CCDC146: variants seen among roughly 807,000 people sequenced by gnomAD.
The protein encoded by CCDC146 is coiled-coil domain containing 146.
Under a neutral mutation model 119.3 loss-of-function variants are expected in CCDC146, and 92 were observed. The ratio of observed to expected loss-of-function variants is 0.77; its 90% CI spans 0.65 to 0.92. The LOEUF is 0.92. Among genes scored for constraint, CCDC146 ranks in the 40% least tolerant of loss-of-function variants. The probability of loss-of-function intolerance (pLI) is 0.00; values close to 1 mark genes in which losing one functional copy is unlikely to be tolerated. For synonymous variants in CCDC146, 372 were observed against 371.8 expected, an observed-to-expected ratio of 1.00 and a Z score of -0.01; for missense variants, 1,000 against 1,103.0, an observed-to-expected ratio of 0.91 and a Z score of 1.32.
intron 2 of CCDC146, among the ~76,000 whole-genome samples, chr7:77,232,855 G>T (rs1286324207): frequency 3.3e-5 from 5 of 152,142 alleles, no homozygotes; most frequent in African/African-American, 1.2e-4. Flanking sequence ...GGAAAGTGGG[G>T]GACATGGGCA....
At chr7:77,246,058 A>C (rs35822411) in intron 4 of CCDC146, among the ~76,000 whole-genome samples, 16,170 of 150,532 alleles carry the variant, frequency 0.11, 1,125 homozygotes, top group Non-Finnish European at 0.16. Context: ...GCCCCCACCC[A>C]AAGTGACATT....
At chr7:77,248,927 T>C (rs1793005631) in intron 4 of CCDC146, among the ~76,000 whole-genome samples, 1 of 152,250 alleles carries the variant, frequency 6.6e-6, no homozygotes, top group Admixed American at 6.5e-5. Flanking sequence ...TGTTTTTATT[T>C]CTTTTGTTTG....
intron 2 of CCDC146, among the ~76,000 whole-genome samples, chr7:77,182,823 A>C (rs759770635): frequency 2.4e-4 from 37 of 152,034 alleles, no homozygotes; most frequent in Non-Finnish European, 4.6e-4. Flanking sequence ...TGTGGTGGAT[A>C]TAGAGATGAG....
At chr7:77,206,047 G>A (rs150174273) in intron 2 of CCDC146, among the ~76,000 whole-genome samples, 133 of 152,222 alleles carry the variant, frequency 8.7e-4, no homozygotes, top group Non-Finnish European at 1.6e-3. Flanking sequence ...TATGTATTTG[G>A]CAAATCAACA....
At chr7:77,185,789 T>C (rs1791658531) in intron 2 of CCDC146, among the ~76,000 whole-genome samples, 2 of 152,204 alleles carry the variant, frequency 1.3e-5, no homozygotes, top group Admixed American at 1.3e-4. Context: ...CAGAGATATG[T>C]AACCTTTCAG....
chr7:77,292,062 G>A (rs1439872806), intron 17 of CCDC146, among the ~76,000 whole-genome samples: 1 of 152,102 alleles, frequency 6.6e-6, no homozygotes, highest in African/African-American at 2.4e-5. Flanking sequence ...TTGGGAGGCC[G>A]AGGCAGGAAG....
intron 1 of CCDC146, among the ~76,000 whole-genome samples, chr7:77,130,738 A>G (rs1790772050): frequency 1.3e-5 from 2 of 148,610 alleles, no homozygotes; most frequent in African/African-American, 5.0e-5. Flanking sequence ...AGCTGGGACT[A>G]CAGGCGCGCG....
intron 2 of CCDC146, among the ~76,000 whole-genome samples, chr7:77,187,480 G>A (rs1394433712): frequency 6.6e-6 from 1 of 152,006 alleles, no homozygotes; most frequent in Admixed American, 6.6e-5. Context: ...CCCCTTTTTG[G>A]CCAGGTTCTC....
chr7:77,209,068 C>T (rs1230137416), intron 2 of CCDC146, among the ~76,000 whole-genome samples: 1 of 152,154 alleles, frequency 6.6e-6, no homozygotes, highest in Admixed American at 6.5e-5. Context: ...TTTCAAAACA[C>T]AATTCTGCCA....
intron 2 of CCDC146, among the ~76,000 whole-genome samples, chr7:77,180,169 CCATATATATGCACCCATATGTATGT>C (rs1562824372): frequency 0.01 from 1,514 of 147,424 alleles, 3 homozygotes; most frequent in Non-Finnish European, 0.012. Context: ...TATGTATGTA[CCATATATATGCACCCATATGTATGT>C]ACCATATATA....
At chr7:77,221,925 G>A (rs192964393) in intron 2 of CCDC146, among the ~76,000 whole-genome samples, 81 of 152,290 alleles carry the variant, frequency 5.3e-4, no homozygotes, top group African/African-American at 1.8e-3. Flanking sequence ...GGTTTGCCCT[G>A]TATTTACATG....
At chr7:77,185,154 C>G (rs1189656052) in intron 2 of CCDC146, among the ~76,000 whole-genome samples, 2 of 151,888 alleles carry the variant, frequency 1.3e-5, no homozygotes, top group Non-Finnish European at 2.9e-5. Context: ...TTAATCATAG[C>G]AAACAGAGAT....
chr7:77,280,121 C>T (rs751962253), intron 13 of CCDC146, among the ~76,000 whole-genome samples: 3 of 152,124 alleles, frequency 2.0e-5, no homozygotes, highest in Non-Finnish European at 2.9e-5. Flanking sequence ...GTCCTCAAGA[C>T]AGCAGTCTCC....
At position 77,280,577 on chromosome 7, in the gene CCDC146, A is replaced by G. The variant is rs1793744086; in HGVS notation, c.1843A>G (p.Thr615Ala). 4 of 1,614,172 alleles carry G rather than the reference A, an allele frequency of 2.5e-6. No individual in the cohort carries two copies. Among genetic ancestry groups the G allele is most frequent in the Non-Finnish European group, 2.5e-6 (3 of 1,180,008 alleles). Residue 615 changes from threonine to alanine, a missense_variant, in exon 14 of 19, where the codon ACG (threonine) becomes GCG (alanine). Physicochemically the swap from Thr to Ala is moderately conservative, Grantham distance 58. This residue lies in a region of CCDC146 where 985 missense variants were observed against 1,045.3 expected (regional missense o/e 0.94). Coordinates refer to ENST00000285871, the MANE Select transcript of CCDC146 (RefSeq NM_020879.3). ...QLNNIDRLANTITMIEEEMVQ... is the reference protein window; with the variant it reads ...QLNNIDRLANAITMIEEEMVQ... Reference sequence around the variant, plus strand: ...AAATAACATTGACAGACTTGCCAACACGATCACAATGATCGAAGAGGAGAT... The same window carrying G: ...AAATAACATTGACAGACTTGCCAACGCGATCACAATGATCGAAGAGGAGAT...
intron 1 of CCDC146, among the ~76,000 whole-genome samples, chr7:77,148,185 C>T (rs745869324): frequency 2.0e-5 from 3 of 152,210 alleles, no homozygotes; most frequent in Non-Finnish European, 4.4e-5. Flanking sequence ...GAGCGAGGCT[C>T]CGTGGGTGTG....
chr7:77,203,687 T>G (rs988060581), intron 2 of CCDC146, among the ~76,000 whole-genome samples: 4 of 152,186 alleles, frequency 2.6e-5, no homozygotes, highest in Admixed American at 6.5e-5. Flanking sequence ...TCATGCTGAG[T>G]CTACCCTGAC....
intron 2 of CCDC146, among the ~76,000 whole-genome samples, chr7:77,227,134 G>T (rs75663027): frequency 0.06 from 9,072 of 152,194 alleles, 498 homozygotes; most frequent in East Asian, 0.23. Flanking sequence ...ATATTCAGGT[G>T]TTTTACCCTG....
At chr7:77,205,411 A>T (rs578036289) in intron 2 of CCDC146, among the ~76,000 whole-genome samples, 3 of 152,320 alleles carry the variant, frequency 2.0e-5, no homozygotes, top group African/African-American at 7.2e-5. Context: ...TTCAAACCTG[A>T]AAGAAGTTTA....
intron 16 of CCDC146, 131 bp downstream of exon 16, chr7:77,287,057 T>C (rs1793861332): frequency 3.0e-6 from 3 of 983,918 alleles, no homozygotes; most frequent in Non-Finnish European, 4.5e-6. Context: ...ATAGTCCTTT[T>C]GTTGTAATCT....
Sources: gnomAD v4.1 joint callset for allele counts (sites outside exome capture counted in the v4.1 genomes callset) on GRCh38, gnomAD v4.1.1 for gene constraint, gnomAD v4.1.1 regional missense constraint, MANE v1.5 for transcripts, NCBI Gene and HGNC (gene_info 2026-07-23, HGNC 2026-07-21) for gene names.